TENM4: variants seen among roughly 807,000 people sequenced by gnomAD.
TENM4 encodes teneurin transmembrane protein 4.
A neutral mutation model predicts 243.3 loss-of-function variants in TENM4; 82 were observed. That is an observed-to-expected ratio of 0.34 (90% CI 0.28 to 0.40). The LOEUF (loss-of-function observed/expected upper bound fraction) is 0.40, where lower values mean the gene tolerates loss of function less well. Ranked by LOEUF, TENM4 falls within the 10% of genes least tolerant of loss-of-function variation. The pLI is 1.00. For synonymous variants in TENM4, 1,412 were observed against 1,456.3 expected (o/e 0.97, Z 0.69); for missense variants, 3,138 against 3,673.3 (o/e 0.85, Z 3.77).
rs553247295 is a variant in TENM4 at position 78,683,684 on chromosome 11, C to T, written c.5260+4370G>A. On this transcript the variant is annotated intron_variant, in intron 29 of 33. Transcript: ENST00000278550. Reference sequence around the variant, plus strand: ...TGGCCTGCGCCCACTGTCTGGCACTCCCTAGTGAGATGAACCCGGTACCTC... The same window carrying T: ...TGGCCTGCGCCCACTGTCTGGCACTTCCTAGTGAGATGAACCCGGTACCTC... Among the ~76,000 whole-genome samples the T allele has an allele frequency of 6.3e-3, 924 of 147,340 alleles. 8 individuals carry two copies. Among genetic ancestry groups the T allele is most frequent in the Non-Finnish European group, 6.5e-3 (433 of 66,746 alleles).
chr11:78,761,017 G>A (rs1031040687), intron 18 of TENM4, among the ~76,000 whole-genome samples: 2 of 151,230 alleles, frequency 1.3e-5, no homozygotes, highest in Non-Finnish European at 3.0e-5. Context: ...TTTATATATC[G>A]TTTTCTCTCT....
intron 6 of TENM4, among the ~76,000 whole-genome samples, chr11:78,933,925 C>T (rs1361971295): frequency 6.6e-6 from 1 of 152,052 alleles, no homozygotes; most frequent in African/African-American, 2.4e-5. Flanking sequence ...ACTGCAGATA[C>T]AAATTAAAAA....
intron 6 of TENM4, among the ~76,000 whole-genome samples, chr11:79,007,418 C>T (rs917393519): frequency 2.0e-5 from 3 of 152,114 alleles, no homozygotes; most frequent in Non-Finnish European, 2.9e-5. Flanking sequence ...ACAAAGCTGA[C>T]TGGGGGCTAA....
chr11:79,208,094 C>T (rs1199465531), intron 3 of TENM4, among the ~76,000 whole-genome samples: 1 of 152,052 alleles, frequency 6.6e-6, no homozygotes, highest in Non-Finnish European at 1.5e-5. Flanking sequence ...AATTCTTGCT[C>T]TAGAATTCCT....
At chr11:79,002,838 T>C (rs1243597832) in intron 6 of TENM4, among the ~76,000 whole-genome samples, 2 of 152,172 alleles carry the variant, frequency 1.3e-5, no homozygotes, top group Admixed American at 6.5e-5. Context: ...ATTCACAATA[T>C]GCATAGGAGC....
At position 78,670,495 on chromosome 11, in the gene TENM4, A is replaced by G. The variant is rs375989767; in HGVS notation, c.5850T>C (p.Asn1950=). The change falls in exon 32 of 34, where the codon AAT becomes AAC. Residue 1950 remains asparagine, a synonymous_variant. Coordinates refer to ENST00000278550, the MANE Select transcript of TENM4 (RefSeq NM_001098816.3). ...GCATCGTCACAGAAGAGAGGCGGTCATTCTTGTCGAACTCAAAGATATACT... is the reference window on the plus strand; with the variant it reads ...GCATCGTCACAGAAGAGAGGCGGTCGTTCTTGTCGAACTCAAAGATATACT... The part of the protein sequence containing the change: ...QRQYIFEFDK[N]DRLSSVTMPN... 2.5e-5 allele frequency: 41 copies of G among 1,613,554 alleles called. No homozygotes were observed. The African/African-American group carries it at 4.1e-4, about 16-fold the overall frequency.
At chr11:79,346,908 T>C (rs1857335027) in intron 1 of TENM4, among the ~76,000 whole-genome samples, 1 of 152,188 alleles carries the variant, frequency 6.6e-6, no homozygotes, top group African/African-American at 2.4e-5. Flanking sequence ...TGATCTCTGC[T>C]TTCTCTTAGG....
intron 4 of TENM4, among the ~76,000 whole-genome samples, chr11:79,125,251 T>C (rs1392716818): frequency 6.6e-6 from 1 of 152,154 alleles, no homozygotes; most frequent in Non-Finnish European, 1.5e-5. Flanking sequence ...TGTGGAGAGC[T>C]AAGGAACATA....
intron 12 of TENM4, among the ~76,000 whole-genome samples, chr11:78,853,593 C>A (rs1858598114): frequency 6.6e-6 from 1 of 152,220 alleles, no homozygotes; most frequent in African/African-American, 2.4e-5. Context: ...CCCAGTCTGA[C>A]TGATGGCATG....
chr11:79,410,204 C>G (rs964932817), intron 1 of TENM4, among the ~76,000 whole-genome samples: 1 of 152,146 alleles, frequency 6.6e-6, no homozygotes, highest in African/African-American at 2.4e-5. Flanking sequence ...TCCTTACTTT[C>G]TCAGCAGGCT....
chr11:78,708,458 C>A lies in TENM4; in HGVS notation c.4112G>T (p.Arg1371Leu). ...GGAGATGATCCCATTCTGATCGATG[C>A]GTCTGATCATGGTGCCATCCACGAA... ...IYFVDGTMIR[R>L]IDQNGIISTL... Residue 1371 changes from arginine (R) to leucine (L), a missense_variant, in exon 27 of 34, where the codon CGC (arginine) becomes CTC (leucine). Arg to Leu is a moderately radical substitution (Grantham distance 102). Coordinates refer to ENST00000278550, the MANE Select transcript of TENM4 (RefSeq NM_001098816.3). 6.2e-7 allele frequency: 1 copy of A among 1,614,018 alleles called. No homozygotes were observed. Among genetic ancestry groups the A allele is most frequent in the South Asian group, 1.1e-5 (1 of 91,074 alleles).
intron 1 of TENM4, among the ~76,000 whole-genome samples, chr11:79,407,358 T>G (rs1433157567): frequency 1.3e-5 from 2 of 152,244 alleles, no homozygotes; most frequent in Non-Finnish European, 2.9e-5. Context: ...TTACTAATAA[T>G]AGCTAACAAG....
At chr11:78,839,395 T>C (rs1858198917) in intron 12 of TENM4, among the ~76,000 whole-genome samples, 1 of 152,206 alleles carries the variant, frequency 6.6e-6, no homozygotes, top group African/African-American at 2.4e-5. Flanking sequence ...ACTTTAATTT[T>C]TATTGATTTT....
intron 28 of TENM4, among the ~76,000 whole-genome samples, chr11:78,689,350 C>T (rs1006309553): frequency 5.3e-5 from 8 of 152,150 alleles, no homozygotes; most frequent in African/African-American, 1.9e-4. Context: ...TGTAAAAAGG[C>T]AGGCTTAAAT....
chr11:78,723,354 T>C (rs571358643), intron 23 of TENM4, among the ~76,000 whole-genome samples: 13 of 152,404 alleles, frequency 8.5e-5, no homozygotes, highest in East Asian at 1.9e-4. Flanking sequence ...TCTCTTTCAA[T>C]TGATACCATT....
chr11:79,263,148 A>G (rs1390863772), intron 2 of TENM4, among the ~76,000 whole-genome samples: 1 of 152,214 alleles, frequency 6.6e-6, no homozygotes, highest in African/African-American at 2.4e-5. Context: ...GGTGACCAAT[A>G]AAAGCCCTCC....
intron 6 of TENM4, among the ~76,000 whole-genome samples, chr11:79,026,325 A>C (rs1420812858): frequency 6.6e-6 from 1 of 152,216 alleles, no homozygotes; most frequent in African/African-American, 2.4e-5. Flanking sequence ...GAGAAACAAA[A>C]GCAAACGTGT....
chr11:78,719,301 C>T (rs570908650), intron 25 of TENM4, among the ~76,000 whole-genome samples: 7 of 151,944 alleles, frequency 4.6e-5, no homozygotes, highest in South Asian at 2.1e-4. Context: ...AGTGGTTTGG[C>T]GATAGAACGC....
chr11:79,419,974 TGAGA>T (rs1471021891), intron 1 of TENM4, among the ~76,000 whole-genome samples: 1 of 152,094 alleles, frequency 6.6e-6, no homozygotes, highest in African/African-American at 2.4e-5. Flanking sequence ...TGTGTGTGAG[TGAGA>T]GAGAGAATGA....
Sources: allele counts gnomAD v4.1 joint callset (sites outside exome capture counted in the v4.1 genomes callset), GRCh38; gene constraint gnomAD v4.1.1; transcripts MANE v1.5; gene names NCBI Gene and HGNC (gene_info 2026-07-23, HGNC 2026-07-21).